FGF14: variants seen among roughly 807,000 people sequenced by gnomAD.
FGF14 encodes fibroblast growth factor homologous factor 4.
A neutral mutation model predicts 25.5 loss-of-function variants in FGF14; 5 were observed. That is an observed-to-expected ratio of 0.20 (90% CI 0.10 to 0.41). The LOEUF (loss-of-function observed/expected upper bound fraction) is 0.41. Ranked by LOEUF, FGF14 falls within the 10% of genes least tolerant of loss-of-function variation. The pLI, the probability that FGF14 is intolerant of heterozygous loss-of-function variation, is 1.00. For missense variants in FGF14, 222 were observed against 320.1 expected (o/e 0.69, Z 2.34); for synonymous variants, 138 against 118.3 (o/e 1.17, Z -1.08).
At chr13:102,113,362 T>G (rs914539438) in intron 1 of FGF14, among the ~76,000 whole-genome samples, 6 of 152,206 alleles carry the variant, frequency 3.9e-5, no homozygotes, top group Non-Finnish European at 2.9e-5. Context: ...GTGGTGTGTG[T>G]ACATCCTTCA....
chr13:101,933,816 A>ATT (rs1484609482), intron 1 of FGF14, among the ~76,000 whole-genome samples: 2 of 152,104 alleles, frequency 1.3e-5, no homozygotes, highest in African/African-American at 4.8e-5. Context: ...TCTTACATTA[A>ATT]TTTAGATAAC....
chr13:102,105,072 G>C (rs1261887724), intron 1 of FGF14, among the ~76,000 whole-genome samples: 2 of 152,184 alleles, frequency 1.3e-5, no homozygotes, highest in East Asian at 3.9e-4. Context: ...AGGAGGTTCT[G>C]CTCCAACCAA....
chr13:101,923,998 G>A (rs749054434), intron 1 of FGF14, among the ~76,000 whole-genome samples: 13 of 152,006 alleles, frequency 8.6e-5, no homozygotes, highest in Non-Finnish European at 1.9e-4. Context: ...TCCAAAATGG[G>A]CATAGAAGTC....
At chr13:102,100,455 C>A (rs1171488606) in intron 1 of FGF14, among the ~76,000 whole-genome samples, 1 of 152,106 alleles carries the variant, frequency 6.6e-6, no homozygotes, top group African/African-American at 2.4e-5. Context: ...CTTTGCAGAA[C>A]AGAAGGAGGT....
chr13:101,870,120 T>A (rs2044970357), intron 2 of FGF14, among the ~76,000 whole-genome samples: 1 of 152,186 alleles, frequency 6.6e-6, no homozygotes, highest in Admixed American at 6.5e-5. Flanking sequence ...GATTTTCTGC[T>A]ATAGGATTTT....
chr13:102,244,841 T>G (rs1227150465), intron 1 of FGF14, among the ~76,000 whole-genome samples: 2 of 152,080 alleles, frequency 1.3e-5, no homozygotes, highest in Non-Finnish European at 2.9e-5. Context: ...ACCACATGTT[T>G]CTGTTAACAC....
At chr13:102,035,478 G>A (rs2139963464) in intron 1 of FGF14, among the ~76,000 whole-genome samples, 1 of 152,218 alleles carries the variant, frequency 6.6e-6, no homozygotes, top group South Asian at 2.1e-4. Flanking sequence ...GTATATGGAA[G>A]AGTCCCATGT....
intron 1 of FGF14, among the ~76,000 whole-genome samples, chr13:101,969,562 A>T (rs1332765589): frequency 6.6e-6 from 1 of 152,182 alleles, no homozygotes; most frequent in Non-Finnish European, 1.5e-5. Flanking sequence ...GTGAAACCCT[A>T]ATCAATAGCC....
chr13:102,007,569 T>C (rs1384227969), intron 1 of FGF14, among the ~76,000 whole-genome samples: 1 of 152,054 alleles, frequency 6.6e-6, no homozygotes. Context: ...CCCACCTCGC[T>C]CTGACACTGT....
Position 101,714,058 on chromosome 13 carries a change from T to G in FGF14, c.*8773A>C, listed in dbSNP as rs2034601647. ...AACCTAATTTAATACAATTCCCTAT[T>G]CATTTCCTTTAAAGAGCAGGCACTT... On this transcript the variant is annotated 3_prime_UTR_variant, in exon 5 of 5. Coordinates refer to ENST00000376143, the MANE Select transcript of FGF14 (RefSeq NM_004115.4). 1 of 168,816 alleles carries G rather than the reference T, an allele frequency of 5.9e-6. No individual in the cohort carries two copies. The highest frequency in any genetic ancestry group is 1.3e-5 in the Non-Finnish European group (1 of 79,116). 10.5% of individuals were successfully genotyped at this position (168,816 alleles called of 1,614,324 possible).
chr13:101,729,234 C>T (rs1422553246), intron 3 of FGF14, among the ~76,000 whole-genome samples: 2 of 151,768 alleles, frequency 1.3e-5, no homozygotes, highest in African/African-American at 4.8e-5. Context: ...TTATTTGTGG[C>T]TAAATAATTA....
At chr13:102,138,917 T>A (rs2390674) in intron 1 of FGF14, among the ~76,000 whole-genome samples, 29,606 of 152,178 alleles carry the variant, frequency 0.19, 3,555 homozygotes, top group East Asian at 0.65. Flanking sequence ...TGCTTTGGGA[T>A]CTATGATCAA....
chr13:101,827,336 A>G (rs2042437825), intron 3 of FGF14, among the ~76,000 whole-genome samples: 1 of 152,034 alleles, frequency 6.6e-6, no homozygotes, highest in South Asian at 2.1e-4. Context: ...GTATATTGCC[A>G]AATATTAACT....
intron 1 of FGF14, among the ~76,000 whole-genome samples, chr13:102,323,954 A>AGTTT (rs1555401220): frequency 9.6e-6 from 1 of 103,770 alleles, no homozygotes; most frequent in Admixed American, 9.6e-5. Context: ...CCCAACGTGC[A>AGTTT]GTATGTGTGT....
chr13:101,972,951 T>C (rs994429160), intron 1 of FGF14, among the ~76,000 whole-genome samples: 3 of 152,170 alleles, frequency 2.0e-5, no homozygotes, highest in Non-Finnish European at 2.9e-5. Context: ...TGATGAAGAA[T>C]TGACAAACAG....
intron 1 of FGF14, among the ~76,000 whole-genome samples, chr13:102,181,455 G>C (rs186367516): frequency 9.9e-5 from 15 of 152,266 alleles, no homozygotes; most frequent in African/African-American, 3.6e-4. Flanking sequence ...GGGTTTTGTA[G>C]ATGTTATCAA....
chr13:102,082,408 A>G (rs933054684), intron 1 of FGF14, among the ~76,000 whole-genome samples: 1 of 152,206 alleles, frequency 6.6e-6, no homozygotes, highest in African/African-American at 2.4e-5. Context: ...TCTCCAAATG[A>G]CTTTAATCCA....
intron 1 of FGF14, among the ~76,000 whole-genome samples, chr13:102,184,876 G>A (rs1428383360): frequency 1.3e-5 from 2 of 152,104 alleles, no homozygotes; most frequent in Non-Finnish European, 2.9e-5. Context: ...CAAAAGTTAT[G>A]CACAGACGTG....
chr13:101,813,704 T>G (rs1189499912), intron 3 of FGF14, among the ~76,000 whole-genome samples: 1 of 152,202 alleles, frequency 6.6e-6, no homozygotes, highest in Admixed American at 6.5e-5. Flanking sequence ...ATTGGCCCAG[T>G]ACAAAGTGTT....
Sources: gnomAD v4.1 joint callset for allele counts (sites outside exome capture counted in the v4.1 genomes callset) on GRCh38, gnomAD v4.1.1 for gene constraint, MANE v1.5 for transcripts, NCBI Gene and HGNC (gene_info 2026-07-23, HGNC 2026-07-21) for gene names.